Variants in ADAMTS17 observed in about 807,000 individuals in gnomAD.
The protein encoded by ADAMTS17 is A disintegrin and metalloproteinase with thrombospondin motifs 17.
Under a neutral mutation model 141.5 loss-of-function variants are expected in ADAMTS17, and 113 were observed. The ratio of observed to expected loss-of-function variants is 0.80; its 90% CI spans 0.69 to 0.93. ADAMTS17 has a LOEUF of 0.93. Among genes scored for constraint, ADAMTS17 ranks in the 40% least tolerant of loss-of-function variants. ADAMTS17 has a pLI of 0.00. For missense variants in ADAMTS17, 1,659 were observed against 1,517.9 expected, an observed-to-expected ratio of 1.09 and a Z score of -1.54; for synonymous variants, 768 against 630.6, an observed-to-expected ratio of 1.22 and a Z score of -3.27.
intron 8 of ADAMTS17, among the ~76,000 whole-genome samples, chr15:100,163,232 A>C (rs954792672): frequency 6.6e-6 from 1 of 152,076 alleles, no homozygotes; most frequent in Non-Finnish European, 1.5e-5. Flanking sequence ...CAACTTATTG[A>C]GACAGATAAA....
chr15:100,244,463 C>T (rs945056185), intron 7 of ADAMTS17, among the ~76,000 whole-genome samples: 3 of 151,550 alleles, frequency 2.0e-5, no homozygotes, highest in Admixed American at 6.6e-5. Context: ...ATAATTATCA[C>T]GTGTCATGGG....
intron 15 of ADAMTS17, among the ~76,000 whole-genome samples, chr15:100,082,634 C>T (rs1450976339): frequency 6.6e-6 from 1 of 151,896 alleles, no homozygotes; most frequent in African/African-American, 2.4e-5. Context: ...TTTTTGAGAT[C>T]TCTTTTTTGT....
intron 18 of ADAMTS17, among the ~76,000 whole-genome samples, chr15:100,042,952 G>A (rs995743993): frequency 6.6e-6 from 1 of 152,120 alleles, no homozygotes; most frequent in South Asian, 2.1e-4. Flanking sequence ...TATGTATATG[G>A]TGCATGTAGA....
At position 100,096,466 on chromosome 15, in the gene ADAMTS17, C is replaced by G. The variant is rs2035764711; in HGVS notation, c.2027G>C (p.Cys676Ser). ...GGCTGCAGACCCGATGATGCCGTCA[C>G]AGCCGATTTTCTAAAGAACCAGAGG... ...CVHGKCQKIG[C>S]DGIIGSAAKE... is the part of the protein sequence containing the mutation. The change falls in exon 15 of 22, where the codon TGT (cysteine) becomes TCT (serine). Residue 676 changes from cysteine to serine, a missense_variant. By Grantham distance (112) the Cys-to-Ser change is moderately radical. Transcript: ENST00000268070. 6.2e-7 allele frequency: 1 copy of G among 1,614,038 alleles called. No individual in the cohort carries two copies. Among genetic ancestry groups the G allele is most frequent in the Non-Finnish European group, 8.5e-7 (1 of 1,180,040 alleles).
intron 2 of ADAMTS17, among the ~76,000 whole-genome samples, chr15:100,333,752 T>C (rs762709233): frequency 6.6e-6 from 1 of 152,170 alleles, no homozygotes; most frequent in Admixed American, 6.5e-5. Context: ...CTCAGGGAAA[T>C]GTTTGTCCAA....
chr15:100,109,346 C>T (rs957534566), intron 13 of ADAMTS17, among the ~76,000 whole-genome samples: 3 of 152,152 alleles, frequency 2.0e-5, no homozygotes, highest in African/African-American at 7.2e-5. Context: ...TCTCTCTATC[C>T]TTTGCAATGA....
Position 100,074,741 on chromosome 15 carries a change from G to A in ADAMTS17, c.2138-20687C>T, listed in dbSNP as rs560991444. The stretch of plus-strand genomic sequence containing the variant: ...AGTATTATTCTTGCTTTAATTAGGA[G>A]TATTTCTATGCTTCTATAATAACTT... On this transcript the variant is annotated intron_variant, in intron 15 of 21. Transcript: ENST00000268070. 4.6e-5 allele frequency among the ~76,000 whole-genome samples: 7 copies of A among 152,134 alleles called. No homozygotes were observed. In the South Asian group the frequency reaches 1.5e-3, roughly 32 times the overall value.
chr15:100,018,281 A>G (rs1206880966), intron 18 of ADAMTS17, among the ~76,000 whole-genome samples: 2 of 152,256 alleles, frequency 1.3e-5, no homozygotes, highest in African/African-American at 4.8e-5. Flanking sequence ...ATCAACTAAG[A>G]GAAGACAAAT....
At chr15:100,295,910 T>A (rs1233388957) in intron 3 of ADAMTS17, among the ~76,000 whole-genome samples, 3 of 152,164 alleles carry the variant, frequency 2.0e-5, no homozygotes, top group Non-Finnish European at 4.4e-5. Flanking sequence ...AATATCAGGA[T>A]ATTGAATATG....
chr15:100,242,222 A>G lies in ADAMTS17; in HGVS notation c.1075+11914T>C, dbSNP rs1468960160. 2.0e-5 allele frequency among the ~76,000 whole-genome samples: 3 copies of G among 152,328 alleles called. No individual in the cohort carries two copies. The South Asian group carries it at 6.2e-4, about 32-fold the overall frequency. On this transcript the variant is annotated intron_variant, in intron 7 of 21. Transcript: ENST00000268070. Reference sequence around the variant, plus strand: ...TTCCAAGTGCTGCAATGGCTTCGGCATGACTGACCTTGCTCTTTACACCGT... The same window carrying G: ...TTCCAAGTGCTGCAATGGCTTCGGCGTGACTGACCTTGCTCTTTACACCGT...
intron 7 of ADAMTS17, among the ~76,000 whole-genome samples, chr15:100,202,955 C>A (rs1406568596): frequency 1.3e-5 from 2 of 151,730 alleles, no homozygotes; most frequent in Non-Finnish European, 2.9e-5. Context: ...ATTTAAAATT[C>A]TCCACAGATC....
intron 3 of ADAMTS17, among the ~76,000 whole-genome samples, chr15:100,291,153 G>A (rs79448079): frequency 0.019 from 2,851 of 152,140 alleles, 62 homozygotes; most frequent in African/African-American, 0.065. Flanking sequence ...AAATTAACAA[G>A]CACAAAACAA....
intron 6 of ADAMTS17, among the ~76,000 whole-genome samples, chr15:100,255,617 A>ACACACACACACACAC (rs2043299663): frequency 7.1e-6 from 1 of 140,186 alleles, no homozygotes; most frequent in Non-Finnish European, 1.5e-5. Flanking sequence ...TGTTTTGAGC[A>ACACACACACACACAC]ACACACACAC....
intron 3 of ADAMTS17, among the ~76,000 whole-genome samples, chr15:100,322,699 T>A (rs1461282506): frequency 6.6e-6 from 1 of 152,172 alleles, no homozygotes; most frequent in African/African-American, 2.4e-5. Context: ...AATGTGCTCA[T>A]GATGGATGAA....
intron 3 of ADAMTS17, among the ~76,000 whole-genome samples, chr15:100,328,789 A>C (rs1419971056): frequency 6.6e-6 from 1 of 152,214 alleles, no homozygotes; most frequent in African/African-American, 2.4e-5. Flanking sequence ...CCATTAGACA[A>C]ACATCCCATT....
At chr15:100,260,821 T>C (rs914891543) in intron 6 of ADAMTS17, among the ~76,000 whole-genome samples, 7 of 152,192 alleles carry the variant, frequency 4.6e-5, no homozygotes, top group African/African-American at 1.7e-4. Context: ...AGTTGACATA[T>C]TCTTAGCAAC....
At chr15:100,174,102 T>C (rs554307117) in intron 8 of ADAMTS17, among the ~76,000 whole-genome samples, 173 of 152,310 alleles carry the variant, frequency 1.1e-3, no homozygotes, top group Middle Eastern at 3.4e-3. Context: ...GCTTCTCTCC[T>C]TTTTCCCACA....
At position 100,211,139 on chromosome 15, in the gene ADAMTS17, T is replaced by TAAATAAATAAAA. The variant is rs1418716333; in HGVS notation, c.1076-11717_1076-11716insTTTTATTTATTT. ...ATAAATAAATAAATAAATAAATAAATAAAAATACAAAAATTAGCAGGGCAT... is the reference window on the plus strand; with the variant it reads ...ATAAATAAATAAATAAATAAATAAATAAATAAATAAAAAAAAATACAAAAATTAGCAGGGCAT... On this transcript the variant is annotated intron_variant, in intron 7 of 21. Transcript: ENST00000268070. 9.0e-3 allele frequency among the ~76,000 whole-genome samples: 1,274 copies of TAAATAAATAAAA among 141,226 alleles called. 3 individuals are homozygous for TAAATAAATAAAA. The highest frequency in any genetic ancestry group is 0.012 in the Non-Finnish European group (815 of 66,790). 92.6% of individuals were successfully genotyped at this position (141,226 alleles called of 152,430 possible).
intron 15 of ADAMTS17, among the ~76,000 whole-genome samples, chr15:100,054,432 A>G (rs2032396372): frequency 6.6e-6 from 1 of 152,126 alleles, no homozygotes. Flanking sequence ...TGCCTGATGA[A>G]TTCATTCCAT....
Sources: allele counts gnomAD v4.1 joint callset (sites outside exome capture counted in the v4.1 genomes callset), GRCh38; gene constraint gnomAD v4.1.1; transcripts MANE v1.5; gene names NCBI Gene and HGNC (gene_info 2026-07-23, HGNC 2026-07-21).